The following TAFA1 variants were observed in gnomAD, a reference collection of about 807,000 sequenced individuals.
TAFA1 encodes the protein chemokine-like protein TAFA-1.
Under a neutral mutation model 18.5 loss-of-function variants are expected in TAFA1, and 4 were observed. The observed-to-expected ratio is 0.22, with a 90% CI of 0.11 to 0.49. The LOEUF is 0.49. Ranked by LOEUF, TAFA1 falls within the 20% of genes least tolerant of loss-of-function variation. The pLI, the probability that TAFA1 is intolerant of heterozygous loss-of-function variation, is 0.98. For missense variants in TAFA1, 147 were observed against 169.0 expected (o/e 0.87, Z 0.72); for synonymous variants, 56 against 55.2 (o/e 1.01, Z -0.06).
rs151205635 is a variant in TAFA1 at position 68,029,360 on chromosome 3, C to A, written c.118+22616C>A. On this transcript the variant is annotated intron_variant, in intron 2 of 4. Transcript: ENST00000478136. ...TGGTGTGTGTTTAACACTGACAGCA[C>A]ATCTCAATTCAGATGCTCAATTTTT... 7.5e-3 allele frequency among the ~76,000 whole-genome samples: 1,143 copies of A among 152,278 alleles called. 4 individuals are homozygous for A. The highest frequency in any genetic ancestry group is 0.012 in the Non-Finnish European group (833 of 68,018).
intron 3 of TAFA1, among the ~76,000 whole-genome samples, chr3:68,533,448 T>C (rs1312859051): frequency 6.6e-6 from 1 of 152,164 alleles, no homozygotes; most frequent in Non-Finnish European, 1.5e-5. Flanking sequence ...ATGGGAATTA[T>C]GGGACCTGTG....
At chr3:68,341,964 G>T (rs1251778538) in intron 2 of TAFA1, among the ~76,000 whole-genome samples, 1 of 152,158 alleles carries the variant, frequency 6.6e-6, no homozygotes, top group Non-Finnish European at 1.5e-5. Context: ...GTGGCATTTT[G>T]AGTTGGTGGT....
chr3:68,059,940 T>C (rs1246262414), intron 2 of TAFA1, among the ~76,000 whole-genome samples: 1 of 152,084 alleles, frequency 6.6e-6, no homozygotes, highest in African/African-American at 2.4e-5. Flanking sequence ...CCCCGCAGGC[T>C]TGTTCCTGGC....
chr3:68,326,767 C>A (rs1037245798), intron 2 of TAFA1, among the ~76,000 whole-genome samples: 1 of 152,130 alleles, frequency 6.6e-6, no homozygotes, highest in Non-Finnish European at 1.5e-5. Flanking sequence ...TCATTTCAGC[C>A]TCATGGCTCT....
At chr3:68,087,100 C>T (rs2064979009) in intron 2 of TAFA1, among the ~76,000 whole-genome samples, 1 of 152,084 alleles carries the variant, frequency 6.6e-6, no homozygotes, top group Admixed American at 6.6e-5. Flanking sequence ...TTCAAATAAC[C>T]CTGCTTAGTT....
At chr3:68,385,361 A>G (rs552385606) in intron 2 of TAFA1, among the ~76,000 whole-genome samples, 24 of 152,222 alleles carry the variant, frequency 1.6e-4, no homozygotes, top group Admixed American at 1.3e-3. Context: ...AGTACTTGCT[A>G]AACCAGGTTA....
At chr3:68,253,420 C>T (rs142509872) in intron 2 of TAFA1, among the ~76,000 whole-genome samples, 1 of 152,168 alleles carries the variant, frequency 6.6e-6, no homozygotes, top group Non-Finnish European at 1.5e-5. Flanking sequence ...TTAAGTAAGG[C>T]CTACTTCAAA....
At position 68,531,391 on chromosome 3, in the gene TAFA1, C is replaced by T. The variant is rs908684197; in HGVS notation, c.260-7365C>T. Among the ~76,000 whole-genome samples, 3 of 149,350 alleles carry T rather than the reference C, an allele frequency of 2.0e-5. 1 individual carries two copies. The highest frequency in any genetic ancestry group is 5.2e-5 in the African/African-American group (2 of 38,828). On this transcript the variant is annotated intron_variant, in intron 3 of 4. Transcript: ENST00000478136. ...AAAGCACACTTGAAAGAGGGACAAGCGGGTGACTTGAGAGATCCAAGTGCA... is the reference window on the plus strand; with the variant it reads ...AAAGCACACTTGAAAGAGGGACAAGTGGGTGACTTGAGAGATCCAAGTGCA...
chr3:68,234,470 C>T (rs1001608794), intron 2 of TAFA1, among the ~76,000 whole-genome samples: 2 of 152,078 alleles, frequency 1.3e-5, no homozygotes, highest in Non-Finnish European at 2.9e-5. Context: ...GATGCTAACC[C>T]GAAGGAGAGT....
intron 2 of TAFA1, among the ~76,000 whole-genome samples, chr3:68,297,958 T>A (rs1035937892): frequency 6.6e-6 from 1 of 152,222 alleles, no homozygotes; most frequent in Non-Finnish European, 1.5e-5. Flanking sequence ...CTTACTGTGA[T>A]ATAATGCTTT....
intron 3 of TAFA1, among the ~76,000 whole-genome samples, chr3:68,443,547 T>G (rs1362460833): frequency 1.3e-5 from 2 of 151,064 alleles, no homozygotes; most frequent in Non-Finnish European, 1.5e-5. Flanking sequence ...CTGGGGAAGC[T>G]TCACAATCAT....
chr3:68,229,517 G>GCT (rs767705658), intron 2 of TAFA1, among the ~76,000 whole-genome samples: 2 of 152,136 alleles, frequency 1.3e-5, no homozygotes, highest in Non-Finnish European at 2.9e-5. Flanking sequence ...TTTGGAGTGG[G>GCT]CTTTTTTTTG....
chr3:68,072,276 A>T (rs2106751278), intron 2 of TAFA1, among the ~76,000 whole-genome samples: 1 of 152,326 alleles, frequency 6.6e-6, no homozygotes, highest in Middle Eastern at 3.4e-3. Context: ...GCAACAGCAC[A>T]GATATGAGAA....
At chr3:68,542,845 T>C (rs184241076) in intron 4 of TAFA1, among the ~76,000 whole-genome samples, 162 of 152,258 alleles carry the variant, frequency 1.1e-3, no homozygotes, top group Non-Finnish European at 1.4e-3. Flanking sequence ...GAAGAGCCAC[T>C]TAGGCCTTCA....
intron 2 of TAFA1, among the ~76,000 whole-genome samples, chr3:68,211,822 G>C (rs763002621): frequency 6.6e-6 from 1 of 151,936 alleles, no homozygotes; most frequent in Non-Finnish European, 1.5e-5. Context: ...CCTTTTATGG[G>C]AACTAACAGA....
At chr3:68,370,369 T>TATATATACACAC (rs1199950988) in intron 2 of TAFA1, among the ~76,000 whole-genome samples, 4 of 46,522 alleles carry the variant, frequency 8.6e-5, no homozygotes, top group East Asian at 1.4e-3. Flanking sequence ...CACACACACA[T>TATATATACACAC]ATATATATAC....
chr3:68,504,468 C>A (rs1002333066), intron 3 of TAFA1, among the ~76,000 whole-genome samples: 1 of 152,202 alleles, frequency 6.6e-6, no homozygotes, highest in South Asian at 2.1e-4. Context: ...CCAAGCATGA[C>A]AGCCACATTG....
chr3:68,082,583 G>T (rs1275402112), intron 2 of TAFA1, among the ~76,000 whole-genome samples: 1 of 152,122 alleles, frequency 6.6e-6, no homozygotes, highest in Non-Finnish European at 1.5e-5. Flanking sequence ...AAATTATTTT[G>T]GTTGTTTGAG....
intron 2 of TAFA1, among the ~76,000 whole-genome samples, chr3:68,388,267 AG>A (rs2070148419): frequency 6.6e-6 from 1 of 152,188 alleles, no homozygotes; most frequent in South Asian, 2.1e-4. Flanking sequence ...GTTTATAAAA[AG>A]GTAGTATAGA....
Sources: allele counts gnomAD v4.1 joint callset (sites outside exome capture counted in the v4.1 genomes callset), GRCh38; gene constraint gnomAD v4.1.1; transcripts MANE v1.5; gene names NCBI Gene and HGNC (gene_info 2026-07-23, HGNC 2026-07-21).